Variants in SLC37A2 observed in about 807,000 individuals in gnomAD.
The protein encoded by SLC37A2 is solute carrier family 37 member 2.
SLC37A2 carries 59 observed loss-of-function variants against 70.7 expected under a neutral mutation model. The observed-to-expected ratio is 0.83, with a 90% CI of 0.68 to 1.04. The LOEUF is 1.04. SLC37A2 is among the 50% of genes least tolerant of loss of function. SLC37A2 has a pLI of 0.00. For missense variants in SLC37A2, 580 were observed against 658.1 expected (o/e 0.88, Z 1.30); for synonymous variants, 257 against 262.1 (o/e 0.98, Z 0.19).
intron 11 of SLC37A2, 54 bp from the exon 12 acceptor site, chr11:125,084,180 G>C (rs561672724): frequency 1.9e-6 from 3 of 1,594,626 alleles, no homozygotes; most frequent in African/African-American, 2.7e-5. Context: ...TGCCAGGCGA[G>C]GGGATGGCAG....
intron 14 of SLC37A2, 40 bp downstream of exon 14, chr11:125,085,179 G>A: frequency 6.3e-7 from 1 of 1,595,044 alleles, no homozygotes; most frequent in South Asian, 1.1e-5. Flanking sequence ...GACCGTTCTG[G>A]GGGCTTGGTC....
At chr11:125,086,568 C>G (rs1156285793) in intron 17 of SLC37A2, 1 of 386,400 alleles carries the variant, frequency 2.6e-6, no homozygotes, top group Non-Finnish European at 4.9e-6. Flanking sequence ...CAAGTGCCTC[C>G]TGAAGTTCAG....
chr11:125,086,872 T>C (rs1226335775), intron 17 of SLC37A2: 1 of 160,364 alleles, frequency 6.2e-6, no homozygotes, highest in Non-Finnish European at 1.4e-5. Flanking sequence ...CTGGGCTGGA[T>C]GGCAAATGTG....
intron 1 of SLC37A2, among the ~76,000 whole-genome samples, chr11:125,073,386 T>C (rs1949049803): frequency 6.6e-6 from 1 of 152,142 alleles, no homozygotes; most frequent in African/African-American, 2.4e-5. Flanking sequence ...GGCAGCCACA[T>C]CTCTACCTTC....
intron 17 of SLC37A2, chr11:125,086,688 C>G (rs976629361): frequency 1.5e-5 from 4 of 274,060 alleles, no homozygotes; most frequent in Non-Finnish European, 2.8e-5. Flanking sequence ...GCCTGGTGTG[C>G]TCTCTGCCTA....
chr11:125,073,010 T>C (rs948298127), intron 1 of SLC37A2, among the ~76,000 whole-genome samples: 1 of 152,124 alleles, frequency 6.6e-6, no homozygotes, highest in Non-Finnish European at 1.5e-5. Context: ...CTCATGACTC[T>C]CCTGCTATCT....
intron 1 of SLC37A2, among the ~76,000 whole-genome samples, chr11:125,074,094 G>A (rs565570494): frequency 3.9e-5 from 6 of 152,186 alleles, no homozygotes; most frequent in Admixed American, 3.3e-4. Context: ...CCACTGAGGC[G>A]GAGTTCCCCA....
chr11:125,083,953 C>A lies in SLC37A2; in HGVS notation c.1039+76C>A. 7.0e-7 allele frequency: 1 copy of A among 1,431,862 alleles called. No homozygotes were observed. The highest frequency in any genetic ancestry group is 1.2e-5 in the South Asian group (1 of 86,628). The allele number at this position is 1,431,862 out of a possible 1,614,324, so 88.7% of individuals were successfully genotyped here. Reference sequence around the variant, plus strand: ...TGGGGTGCAGGAAGAAGGGACAGGTCCGATGGGCTATGACCTGGGTAGGTG... The same window carrying A: ...TGGGGTGCAGGAAGAAGGGACAGGTACGATGGGCTATGACCTGGGTAGGTG... On this transcript the variant is annotated intron_variant, in intron 11 of 17. Coordinates refer to ENST00000403796, the MANE Select transcript of SLC37A2 (RefSeq NM_001145290.2). This position sits in a 1 kb window ranked among gnomAD's most constrained non-coding sequence, Gnocchi z 4.6.
chr11:125,077,884 G>A (rs779654626), intron 4 of SLC37A2, among the ~76,000 whole-genome samples: 1 of 152,182 alleles, frequency 6.6e-6, no homozygotes, highest in Non-Finnish European at 1.5e-5. Flanking sequence ...CGGGAAGCAT[G>A]CTGTTCCTTG....
intron 2 of SLC37A2, 132 bp downstream of exon 2, chr11:125,076,970 C>A (rs1272165408): frequency 4.5e-6 from 4 of 894,356 alleles, no homozygotes; most frequent in African/African-American, 3.3e-5. Flanking sequence ...TCCCCAGGAG[C>A]TCCTTTTGAG....
intron 1 of SLC37A2, among the ~76,000 whole-genome samples, chr11:125,068,497 G>C (rs1949001537): frequency 6.6e-6 from 1 of 152,192 alleles, no homozygotes; most frequent in Admixed American, 6.5e-5. Context: ...AAGCTGGAGA[G>C]GGGCTGTGTA....
Position 125,090,350 on chromosome 11 carries a change from C to A in SLC37A2, c.*2216C>A, listed in dbSNP as rs1949272865. ...GCTCAGGGATTGTAAACGCACCAAT[C>A]AACGACCTGTCAAAACAGGCCACTC... On this transcript the variant is annotated 3_prime_UTR_variant, in exon 18 of 18. Transcript: ENST00000403796. The A allele has an allele frequency of 6.6e-6, 1 of 152,254 alleles. No individual in the cohort carries two copies. The highest frequency in any genetic ancestry group is 2.1e-4 in the South Asian group (1 of 4,836). The allele number at this position is 152,254 out of a possible 1,614,324, so 9.4% of individuals were successfully genotyped here.
chr11:125,086,244 C>T, intron 17 of SLC37A2: 4 of 1,612,250 alleles, frequency 2.5e-6, no homozygotes, highest in Non-Finnish European at 3.4e-6. Context: ...GTATTTTCCT[C>T]AAGTCCCATG....
Position 125,063,914 on chromosome 11 carries a change from G to A in SLC37A2, c.59+488G>A, listed in dbSNP as rs954247186. Among the ~76,000 whole-genome samples, 2 of 152,282 alleles carry A rather than the reference G, an allele frequency of 1.3e-5. No individual in the cohort carries two copies. Among genetic ancestry groups the A allele is most frequent in the Admixed American group, 1.3e-4 (2 of 15,302 alleles). ...CAGAACTCAGTGGTCCTGGGAGCTC[G>A]TCTCGAGGCCTTTCAGCACCTGGAA... On this transcript the variant is annotated intron_variant, in intron 1 of 17. Coordinates refer to ENST00000403796, the MANE Select transcript of SLC37A2 (RefSeq NM_001145290.2). This position sits in a 1 kb window ranked among gnomAD's most constrained non-coding sequence, Gnocchi z 5.4.
At chr11:125,079,439 A>G (rs773708366) in intron 5 of SLC37A2, among the ~76,000 whole-genome samples, 192 bp downstream of exon 5, 3 of 152,128 alleles carry the variant, frequency 2.0e-5, no homozygotes, top group Admixed American at 6.5e-5. Flanking sequence ...CCTTGAGCAC[A>G]ACGCTGTGGT....
At position 125,089,782 on chromosome 11, in the gene SLC37A2, G is replaced by T. The variant is rs551527414; in HGVS notation, c.*1648G>T. On this transcript the variant is annotated 3_prime_UTR_variant, in exon 18 of 18. Coordinates refer to ENST00000403796, the MANE Select transcript of SLC37A2 (RefSeq NM_001145290.2). Reference sequence around the variant, plus strand: ...CCCGCGGTGCCTGAGCCTCCCACCCGCTCCATGGGCTCCTGTGGGGCCCGA... The same window carrying T: ...CCCGCGGTGCCTGAGCCTCCCACCCTCTCCATGGGCTCCTGTGGGGCCCGA... 6.4e-6 allele frequency: 1 copy of T among 155,696 alleles called. No homozygotes were observed. Among genetic ancestry groups the T allele is most frequent in the Middle Eastern group, 3.2e-3 (1 of 314 alleles). The allele number at this position is 155,696 out of a possible 1,614,324, so 9.6% of individuals were successfully genotyped here. A position where few individuals can be genotyped will look rare whatever the true frequency, so the allele number is the denominator to read the frequency against.
rs1030064342 is a variant in SLC37A2, at chr11:125,078,132, G to A, written c.314+604G>A. On this transcript the variant is annotated intron_variant, in intron 4 of 17. Coordinates refer to ENST00000403796, the MANE Select transcript of SLC37A2 (RefSeq NM_001145290.2). ...GACCTGATGCAAGGGACTTGGGTGC[G>A]GCGGTGCAGATGGAGACCTGGGCAG... 3.9e-5 allele frequency among the ~76,000 whole-genome samples: 6 copies of A among 152,196 alleles called. No homozygotes were observed. The South Asian group carries it at 6.2e-4, about 16-fold the overall frequency.
intron 1 of SLC37A2, among the ~76,000 whole-genome samples, chr11:125,074,811 C>G (rs1949066322): frequency 6.6e-6 from 1 of 152,202 alleles, no homozygotes; most frequent in Non-Finnish European, 1.5e-5. Flanking sequence ...AGCTGGGGCC[C>G]CAGTGGGGCC....
chr11:125,089,407 C>T lies in SLC37A2; in HGVS notation c.*1273C>T. 6.5e-6 allele frequency: 1 copy of T among 153,734 alleles called. No homozygotes were observed. The highest frequency in any genetic ancestry group is 1.4e-5 in the Non-Finnish European group (1 of 70,040). The allele number at this position is 153,734 out of a possible 1,614,324, so 9.5% of individuals were successfully genotyped here. A position where few individuals can be genotyped will look rare whatever the true frequency, so the allele number is the denominator to read the frequency against. On this transcript the variant is annotated 3_prime_UTR_variant, in exon 18 of 18. Transcript: ENST00000403796. ...TCCCACTTTGGCGGCACTTGAGGAGCCCTTCAGCCCACCGCTGCACTGTGG... is the reference window on the plus strand; with the variant it reads ...TCCCACTTTGGCGGCACTTGAGGAGTCCTTCAGCCCACCGCTGCACTGTGG...
Sources: gnomAD v4.1 joint callset for allele counts (sites outside exome capture counted in the v4.1 genomes callset) on GRCh38, gnomAD v4.1.1 for gene constraint, Gnocchi (gnomAD v3.1) non-coding constraint, MANE v1.5 for transcripts, NCBI Gene and HGNC (gene_info 2026-07-23, HGNC 2026-07-21) for gene names.